FAM227A: variants seen among roughly 807,000 people sequenced by gnomAD.
The protein encoded by FAM227A is protein FAM227A.
A neutral mutation model predicts 74.7 loss-of-function variants in FAM227A; 80 were observed. The observed-to-expected ratio is 1.07, with a 90% CI of 0.89 to 1.29. The LOEUF (loss-of-function observed/expected upper bound fraction) is 1.29. Ranked by LOEUF, FAM227A falls within the 50% of genes most tolerant of loss-of-function variation. The pLI is 0.00. For missense variants in FAM227A, 654 were observed against 683.4 expected (o/e 0.96, Z 0.48); for synonymous variants, 237 against 241.8 (o/e 0.98, Z 0.19).
chr22:38,620,742 G>C (rs1569214432), intron 10 of FAM227A, among the ~76,000 whole-genome samples: 1 of 151,670 alleles, frequency 6.6e-6, no homozygotes, highest in Non-Finnish European at 1.5e-5. Flanking sequence ...CTGGGAGGTG[G>C]AGCTTGCAGT....
rs933277545 is a variant in FAM227A at position 38,639,805 on chromosome 22, C to G, written c.226-81G>C. 9 of 977,834 alleles carry G rather than the reference C, an allele frequency of 9.2e-6. No homozygotes were observed. The African/African-American group carries it at 9.7e-5, about 11-fold the overall frequency. 60.6% of individuals were successfully genotyped at this position (977,834 alleles called of 1,614,324 possible). On this transcript the variant is annotated intron_variant, in intron 3 of 16. Transcript: ENST00000535113. ...GGTGGGGTTAGGGTCTAGGCGTTTC[C>G]TCTTGTTGGTGCACAAAAGACCTGG...
chr22:38,611,946 G>C (rs62228953), intron 11 of FAM227A, among the ~76,000 whole-genome samples: 271 of 152,126 alleles, frequency 1.8e-3, no homozygotes, highest in Non-Finnish European at 3.0e-3. Context: ...TCAGTAAATG[G>C]CACCATTCAG....
rs1038159157 is a variant in FAM227A at position 38,620,198 on chromosome 22, G to A, written c.1038+14C>T. 1.4e-5 allele frequency: 22 copies of A among 1,544,440 alleles called. No homozygotes were observed. The African/African-American group carries it at 2.6e-4, about 18-fold the overall frequency. On this transcript the variant is annotated intron_variant, in intron 11 of 16. Transcript: ENST00000535113. The stretch of plus-strand genomic sequence containing the variant: ...GGACTCCAAAGGGGTCCTGGTCCGT[G>A]CCTCCCCACTTACCTGAGGGTGGTA...
intron 8 of FAM227A, among the ~76,000 whole-genome samples, chr22:38,627,900 G>A (rs1183799938): frequency 1.3e-5 from 2 of 152,014 alleles, no homozygotes; most frequent in Non-Finnish European, 2.9e-5. Flanking sequence ...CACCATGCCC[G>A]GCTGGGAAAG....
At chr22:38,587,529 AAAAT>A (rs1269359275) in intron 16 of FAM227A, among the ~76,000 whole-genome samples, 71 of 152,200 alleles carry the variant, frequency 4.7e-4, no homozygotes, top group African/African-American at 1.6e-3. Context: ...ACTCAAGAAA[AAAAT>A]AAAAATTCTG....
chr22:38,597,780 C>A (rs530205399), intron 14 of FAM227A, among the ~76,000 whole-genome samples: 2 of 151,990 alleles, frequency 1.3e-5, no homozygotes, highest in South Asian at 4.1e-4. Flanking sequence ...CTTGGCCAGG[C>A]GCGGTGTAAT....
intron 11 of FAM227A, among the ~76,000 whole-genome samples, chr22:38,608,553 C>T (rs1175580837): frequency 6.6e-6 from 1 of 151,850 alleles, no homozygotes; most frequent in Non-Finnish European, 1.5e-5. Flanking sequence ...ACCTCAGCCT[C>T]CCGAGTAGCT....
intron 1 of FAM227A, among the ~76,000 whole-genome samples, chr22:38,650,573 C>T (rs1478897809): frequency 6.6e-6 from 1 of 152,192 alleles, no homozygotes; most frequent in East Asian, 1.9e-4. Flanking sequence ...CTCAGCAAGT[C>T]AGTTCCCAAA....
intron 13 of FAM227A, among the ~76,000 whole-genome samples, chr22:38,600,382 G>A (rs1476081036): frequency 6.6e-6 from 1 of 151,504 alleles, no homozygotes; most frequent in Non-Finnish European, 1.5e-5. Context: ...CGCCCAGGCT[G>A]GAGTGCAGTG....
chr22:38,628,259 G>T lies in FAM227A; in HGVS notation c.705C>A (p.His235Gln), dbSNP rs1345048745. The T allele has an allele frequency of 1.3e-6, 2 of 1,549,902 alleles. No individual in the cohort carries two copies. Among genetic ancestry groups the T allele is most frequent in the Admixed American group, 2.0e-5 (1 of 50,972 alleles). The change falls in exon 8 of 17, where the codon CAC becomes CAA. Residue 235 changes from histidine to glutamine, a missense_variant. Coordinates refer to ENST00000535113, the MANE Select transcript of FAM227A (RefSeq NM_001013647.2). ...TCACTTTTAAGAGCGCCTCTTCAGA[G>T]TGGGACTTGGGTACACGAAACAAAA... ...ALLLFRVPKS[H>Q]SEEALLKRLP... is the part of the protein sequence containing the mutation.
At chr22:38,597,427 C>T (rs778308333) in intron 14 of FAM227A, 71 bp from the exon 15 acceptor site, 258 of 1,442,454 alleles carry the variant, frequency 1.8e-4, no homozygotes, top group Non-Finnish European at 2.3e-4. Flanking sequence ...GTGGCATGAG[C>T]GCAGTGCATG....
intron 2 of FAM227A, among the ~76,000 whole-genome samples, chr22:38,646,276 T>G (rs1231606818): frequency 2.0e-5 from 2 of 101,334 alleles, no homozygotes; most frequent in African/African-American, 4.4e-5. Flanking sequence ...TTTTTTTTTT[T>G]TGAGACGGAG....
intron 3 of FAM227A, 51 bp from the exon 4 acceptor site, chr22:38,639,775 A>G: frequency 7.7e-7 from 1 of 1,294,554 alleles, no homozygotes; most frequent in African/African-American, 1.5e-5. Flanking sequence ...CAAATCCTGG[A>G]GAAGGGTGGG....
chr22:38,649,230 C>T (rs919393428), intron 2 of FAM227A, among the ~76,000 whole-genome samples: 1 of 152,072 alleles, frequency 6.6e-6, no homozygotes, highest in African/African-American at 2.4e-5. Context: ...CCTTCACAGT[C>T]TCAAATTCTT....
intron 3 of FAM227A, among the ~76,000 whole-genome samples, chr22:38,641,690 G>C (rs938539782): frequency 7.5e-6 from 1 of 134,140 alleles, no homozygotes; most frequent in Non-Finnish European, 1.6e-5. Flanking sequence ...CAGGTCTTTA[G>C]TAGCGACTTG....
intron 6 of FAM227A, among the ~76,000 whole-genome samples, chr22:38,634,052 C>T (rs2091958771): frequency 6.6e-6 from 1 of 151,596 alleles, no homozygotes; most frequent in African/African-American, 2.4e-5. Flanking sequence ...AACCCTGTCT[C>T]TACTAAAAAT....
In FAM227A at chr22:38,578,849, A is replaced by G. The variant is rs2090683132; in HGVS notation, c.*7276T>C. 6.6e-6 allele frequency: 1 copy of G among 152,196 alleles called. No homozygotes were observed. The highest frequency in any genetic ancestry group is 1.9e-4 in the East Asian group (1 of 5,198). 9.4% of individuals were successfully genotyped at this position (152,196 alleles called of 1,614,324 possible). ...TTCAAAATTAAAGGAGAGAGGCCAAAAGGAACGAGTATTTGTTGAACACCC... is the reference window on the plus strand; with the variant it reads ...TTCAAAATTAAAGGAGAGAGGCCAAGAGGAACGAGTATTTGTTGAACACCC... On this transcript the variant is annotated 3_prime_UTR_variant, in exon 17 of 17. Transcript: ENST00000535113.
At chr22:38,629,216 C>T (rs982113337) in intron 6 of FAM227A, among the ~76,000 whole-genome samples, 1 of 152,228 alleles carries the variant, frequency 6.6e-6, no homozygotes, top group Non-Finnish European at 1.5e-5. Flanking sequence ...CAACTACCTC[C>T]AGCTCTCACC....
intron 13 of FAM227A, among the ~76,000 whole-genome samples, chr22:38,603,360 C>A (rs2091217019): frequency 6.6e-6 from 1 of 151,830 alleles, no homozygotes; most frequent in African/African-American, 2.4e-5. Context: ...TGGTGGCACA[C>A]ACCTGTAATC....
Sources: allele counts gnomAD v4.1 joint callset (sites outside exome capture counted in the v4.1 genomes callset), GRCh38; gene constraint gnomAD v4.1.1; transcripts MANE v1.5; gene names NCBI Gene and HGNC (gene_info 2026-07-23, HGNC 2026-07-21).